Variants in SCLT1 observed in about 807,000 individuals in gnomAD.
SCLT1 encodes the protein sodium channel and clathrin linker 1.
SCLT1 carries 78 observed loss-of-function variants against 112.8 expected under a neutral mutation model. The ratio of observed to expected loss-of-function variants is 0.69; its 90% CI spans 0.58 to 0.83. The LOEUF is 0.83. Ranked by LOEUF, SCLT1 falls within the 40% of genes least tolerant of loss-of-function variation. The pLI, the probability that SCLT1 is intolerant of heterozygous loss-of-function variation, is 0.00. For missense variants in SCLT1, 747 were observed against 770.4 expected, an observed-to-expected ratio of 0.97 and a Z score of 0.36; for synonymous variants, 257 against 254.7, an observed-to-expected ratio of 1.01 and a Z score of -0.09.
At chr4:128,890,511 A>T (rs1205342145) in intron 19 of SCLT1, among the ~76,000 whole-genome samples, 1 of 152,180 alleles carries the variant, frequency 6.6e-6, no homozygotes, top group Non-Finnish European at 1.5e-5. Flanking sequence ...AGTAGACCAT[A>T]TATTCAGAGA....
chr4:128,874,791 T>TTAATG (rs1232524259), intron 4 of SCLT1: 1 of 152,630 alleles, frequency 6.6e-6, no homozygotes, highest in Non-Finnish European at 1.5e-5. Context: ...TTGATTATGA[T>TTAATG]TAATGTATTA....
intron 7 of SCLT1, among the ~76,000 whole-genome samples, chr4:128,999,327 A>G (rs534815921): frequency 4.6e-5 from 7 of 151,940 alleles, no homozygotes; most frequent in Non-Finnish European, 8.8e-5. Context: ...AAACTAATAA[A>G]CAATTTTGTT....
intron 7 of SCLT1, among the ~76,000 whole-genome samples, chr4:128,998,894 G>T (rs1413724011): frequency 1.3e-5 from 2 of 151,760 alleles, no homozygotes; most frequent in East Asian, 3.9e-4. Flanking sequence ...CTGAAGAGAG[G>T]TATGAAAACC....
chr4:129,089,285 T>C (rs934747541), intron 1 of SCLT1, among the ~76,000 whole-genome samples: 8 of 152,156 alleles, frequency 5.3e-5, no homozygotes, highest in African/African-American at 1.7e-4. Flanking sequence ...ATTAGAGAAA[T>C]GCAAATCAAA....
At chr4:128,978,192 A>G (rs985072205) in intron 9 of SCLT1, among the ~76,000 whole-genome samples, 1 of 152,140 alleles carries the variant, frequency 6.6e-6, no homozygotes, top group African/African-American at 2.4e-5. Flanking sequence ...TTAAAAAAGG[A>G]GTTTACTGTC....
rs114552686 is a variant in SCLT1, at chr4:128,895,365, T to C, written c.1830-4228A>G. Among the ~76,000 whole-genome samples the C allele has an allele frequency of 2.0e-3, 302 of 152,306 alleles. 2 individuals carry two copies. The highest frequency in any genetic ancestry group is 6.7e-3 in the African/African-American group (277 of 41,572). On this transcript the variant is annotated intron_variant, in intron 18 of 20. Transcript: ENST00000281142. Reference sequence around the variant, plus strand: ...GAGAATGTCATAAGATCCTCCAAAATTTTGTGTAATTTATCTTTCCAACCT... The same window carrying C: ...GAGAATGTCATAAGATCCTCCAAAACTTTGTGTAATTTATCTTTCCAACCT...
intron 18 of SCLT1, among the ~76,000 whole-genome samples, chr4:128,893,928 G>GT (rs989973119): frequency 6.6e-6 from 1 of 151,834 alleles, no homozygotes. Flanking sequence ...AGCCTGTCAG[G>GT]TTTTTTGTTT....
At chr4:128,883,453 G>A (rs930932147), downstream of SCLT1, among the ~76,000 whole-genome samples, 7 of 152,050 alleles carry the variant, frequency 4.6e-5, no homozygotes, top group Admixed American at 3.3e-4. Context: ...AATACCTAAC[G>A]TAGATAACGG....
At chr4:129,056,946 C>T (rs1201289296) in intron 2 of SCLT1, among the ~76,000 whole-genome samples, 1 of 152,210 alleles carries the variant, frequency 6.6e-6, no homozygotes, top group Non-Finnish European at 1.5e-5. Flanking sequence ...TTTACGCTGT[C>T]AGAATAATGC....
chr4:128,989,885 A>G (rs1265473581), intron 9 of SCLT1, among the ~76,000 whole-genome samples: 2 of 151,922 alleles, frequency 1.3e-5, no homozygotes, highest in African/African-American at 4.8e-5. Context: ...CATCCAACCT[A>G]CCAAGATTTA....
At chr4:129,079,952 T>C (rs1343186774) in intron 2 of SCLT1, among the ~76,000 whole-genome samples, 2 of 152,198 alleles carry the variant, frequency 1.3e-5, no homozygotes, top group African/African-American at 4.8e-5. Flanking sequence ...GATTTATGGG[T>C]TCCACCCTCT....
At chr4:129,086,769 C>T (rs1181071934) in intron 1 of SCLT1, among the ~76,000 whole-genome samples, 1 of 151,974 alleles carries the variant, frequency 6.6e-6, no homozygotes, top group African/African-American at 2.4e-5. Context: ...GGGAAGCAGT[C>T]AAGGTGGTAA....
At chr4:128,943,299 ATTTC>A in intron 16 of SCLT1, 111 bp from the exon 17 acceptor site, 1 of 721,122 alleles carries the variant, frequency 1.4e-6, no homozygotes, top group Non-Finnish European at 2.2e-6. Context: ...ATTCTGAGCC[ATTTC>A]TTTCCACTTT....
At chr4:128,964,114 G>A (rs1342263890) in intron 11 of SCLT1, among the ~76,000 whole-genome samples, 1 of 152,126 alleles carries the variant, frequency 6.6e-6, no homozygotes, top group African/African-American at 2.4e-5. Context: ...AAAAAGTACT[G>A]CATGGACCAT....
chr4:128,888,762 T>C lies in SCLT1; in HGVS notation c.1921A>G (p.Ile641Val). 1 of 1,605,350 alleles carries C rather than the reference T, an allele frequency of 6.2e-7. No individual in the cohort carries two copies. The highest frequency in any genetic ancestry group is 8.5e-7 in the Non-Finnish European group (1 of 1,172,404). The change falls in exon 20 of 21, where the codon ATT becomes GTT. Residue 641 changes from isoleucine to valine, a missense_variant. Ile to Val is a conservative substitution (Grantham distance 29). Transcript: ENST00000281142. The part of the protein sequence containing the change: ...NEKVAENEKL[I>V]LEHQEKANRL... The stretch of plus-strand genomic sequence containing the variant: ...TTGGCTTTTTCTTGATGCTCTAGAA[T>C]TAGCTTTTCATTCTATTAAGGGGAA...
chr4:128,899,682 A>G (rs1463442434), intron 18 of SCLT1, among the ~76,000 whole-genome samples: 2 of 152,164 alleles, frequency 1.3e-5, no homozygotes, highest in Admixed American at 6.5e-5. Context: ...CAGGGCAATC[A>G]GGCAGGAGAA....
intron 18 of SCLT1, among the ~76,000 whole-genome samples, chr4:128,895,733 C>A (rs1047358983): frequency 3.3e-5 from 5 of 152,176 alleles, no homozygotes; most frequent in African/African-American, 9.7e-5. Context: ...CGAAGCAGGG[C>A]GAGGCATTGC....
At chr4:128,958,321 A>G (rs892681796) in intron 12 of SCLT1, among the ~76,000 whole-genome samples, 1 of 152,140 alleles carries the variant, frequency 6.6e-6, no homozygotes, top group African/African-American at 2.4e-5. Context: ...GGAGAAGGGG[A>G]ACTATGCTAG....
rs1421841569 is a variant in SCLT1, at chr4:128,943,029, A to T, written c.1599T>A (p.Ile533=). 1 of 1,612,072 alleles carries T rather than the reference A, an allele frequency of 6.2e-7. No homozygotes were observed. The highest frequency in any genetic ancestry group is 2.2e-5 in the East Asian group (1 of 44,786). The change falls in exon 17 of 21, where the codon ATT becomes ATA. Residue 533 remains isoleucine (I), a synonymous_variant. Coordinates refer to ENST00000281142, the MANE Select transcript of SCLT1 (RefSeq NM_144643.4). ...LRKETESLRK[I]ALEAQKKAKV... ...TGGCTTTTTTTTGAGCCTCCAGGGC[A>T]ATCTTCCTTAAACTCTCAGTCTCTT...
Sources: gnomAD v4.1 joint callset for allele counts (sites outside exome capture counted in the v4.1 genomes callset) on GRCh38, gnomAD v4.1.1 for gene constraint, MANE v1.5 for transcripts, NCBI Gene and HGNC (gene_info 2026-07-23, HGNC 2026-07-21) for gene names.